The following DHRS7C variants were observed in gnomAD, a reference collection of about 807,000 sequenced individuals.
DHRS7C encodes the protein dehydrogenase/reductase 7C.
DHRS7C carries 28 observed loss-of-function variants against 29.6 expected under a neutral mutation model. The ratio of observed to expected loss-of-function variants is 0.95; its 90% CI spans 0.70 to 1.30. DHRS7C has a LOEUF of 1.30. Ranked by LOEUF, DHRS7C falls within the 50% of genes most tolerant of loss-of-function variation. The pLI is 0.00. For synonymous variants in DHRS7C, 158 were observed against 160.2 expected (o/e 0.99, Z 0.10); for missense variants, 403 against 393.3 (o/e 1.02, Z -0.21).
Position 9,791,163 on chromosome 17 carries a change from A to T in DHRS7C, c.122T>A (p.Val41Glu). The stretch of plus-strand genomic sequence containing the variant: ...CAGTCCTGAGATGGCATCGGTGATC[A>T]CCACCACTTTGTTCTGCACAGCTGA... ...SKSAVQNKVV[V>E]ITDAISGLGK... Residue 41 changes from valine (V) to glutamate (E), a missense_variant, in exon 1 of 6, where the codon GTG (valine) becomes GAG (glutamate). Val to Glu is a moderately radical substitution (Grantham distance 121). Coordinates refer to ENST00000571134, the MANE Select transcript of DHRS7C (RefSeq NM_001105571.3). 6.2e-7 allele frequency: 1 copy of T among 1,613,538 alleles called. No homozygotes were observed. Among genetic ancestry groups the T allele is most frequent in the Non-Finnish European group, 8.5e-7 (1 of 1,179,746 alleles).
intron 2 of DHRS7C, among the ~76,000 whole-genome samples, chr17:9,781,276 A>G (rs1194534022): frequency 6.6e-6 from 1 of 152,190 alleles, no homozygotes; most frequent in Non-Finnish European, 1.5e-5. Flanking sequence ...GCTACAGAAC[A>G]TGATTTTGTC....
rs1341509228 is a variant in DHRS7C at position 9,774,353 on chromosome 17, C to T, written c.572-1431G>A. 6.6e-6 allele frequency among the ~76,000 whole-genome samples: 1 copy of T among 152,178 alleles called. No homozygotes were observed. Among genetic ancestry groups the T allele is most frequent in the African/African-American group, 2.4e-5 (1 of 41,442 alleles). On this transcript the variant is annotated intron_variant, in intron 4 of 5. Transcript: ENST00000571134. This position sits in a 1 kb window ranked among gnomAD's most constrained non-coding sequence, Gnocchi z 5.0. ...GGGCTGGAGTACAGTGGCTCAATCT[C>T]AGCTCACTGCAATCTCTGCCTCCCG...
intron 2 of DHRS7C, 113 bp from the exon 3 acceptor site, chr17:9,780,148 AC>A: frequency 3.5e-6 from 3 of 859,720 alleles, no homozygotes. Flanking sequence ...TAATGAAATG[AC>A]TGAAAAAAAA....
intron 3 of DHRS7C, among the ~76,000 whole-genome samples, chr17:9,777,673 G>A (rs1328747145): frequency 6.6e-6 from 1 of 152,064 alleles, no homozygotes; most frequent in Non-Finnish European, 1.5e-5. Flanking sequence ...CAGTAGAACA[G>A]AACAGACGCT....
intron 1 of DHRS7C, among the ~76,000 whole-genome samples, chr17:9,784,449 G>A (rs111889518): frequency 0.012 from 1,750 of 152,096 alleles, 30 homozygotes; most frequent in African/African-American, 0.04. Context: ...TCCAGCCTGG[G>A]GAACAGAGTG....
Position 9,791,120 on chromosome 17 carries a change from A to C in DHRS7C, c.154+11T>G, listed in dbSNP as rs1371747252. 6.2e-7 allele frequency: 1 copy of C among 1,607,352 alleles called. No homozygotes were observed. Among genetic ancestry groups the C allele is most frequent in the South Asian group, 1.1e-5 (1 of 89,732 alleles). ...CAGAAATGGGCACAGGTGGGAGCAA[A>C]GCCAGCTTACCCTTGCCCAGTCCTG... is the stretch of plus-strand genomic sequence containing the variant. On this transcript the variant is annotated intron_variant, in intron 1 of 5. Coordinates refer to ENST00000571134, the MANE Select transcript of DHRS7C (RefSeq NM_001105571.3).
In DHRS7C at chr17:9,775,763, T is replaced by C. The variant is rs567516539; in HGVS notation, c.571+1430A>G. 4.6e-5 allele frequency among the ~76,000 whole-genome samples: 7 copies of C among 152,336 alleles called. No homozygotes were observed. The highest frequency in any genetic ancestry group is 1.7e-4 in the African/African-American group (7 of 41,588). On this transcript the variant is annotated intron_variant, in intron 4 of 5. Coordinates refer to ENST00000571134, the MANE Select transcript of DHRS7C (RefSeq NM_001105571.3). The surrounding 1 kb of genome is among the most constrained non-coding windows in gnomAD (Gnocchi z 4.2). ...GGGTGTTATGGGTTGAATTCTGTTA[T>C]CAGCCTCCGAAAATTTATATGCTGA...
rs1447570923 is a variant in DHRS7C at position 9,791,318 on chromosome 17, T to C, written c.-34A>G. 2 of 1,608,694 alleles carry C rather than the reference T, an allele frequency of 1.2e-6. No homozygotes were observed. The highest frequency in any genetic ancestry group is 1.1e-5 in the South Asian group (1 of 89,620). On this transcript the variant is annotated 5_prime_UTR_variant, in exon 1 of 6. Coordinates refer to ENST00000571134, the MANE Select transcript of DHRS7C (RefSeq NM_001105571.3). ...GGGGGACAACGGAGTAAAAGGGGATTGGCTTTGCAAAGAGACGCTGATCAG... is the reference window on the plus strand; with the variant it reads ...GGGGGACAACGGAGTAAAAGGGGATCGGCTTTGCAAAGAGACGCTGATCAG...
Position 9,791,157 on chromosome 17 carries a change from G to T in DHRS7C, c.128C>A (p.Thr43Asn), listed in dbSNP as rs373514115. 74 of 1,613,282 alleles carry T rather than the reference G, an allele frequency of 4.6e-5. No homozygotes were observed. Among genetic ancestry groups the T allele is most frequent in the Non-Finnish European group, 6.3e-5 (74 of 1,179,688 alleles). The change falls in exon 1 of 6, where the codon ACC (threonine) becomes AAC (asparagine). Residue 43 changes from threonine (T) to asparagine (N), a missense_variant. Thr to Asn is a moderately conservative substitution (Grantham distance 65). Transcript: ENST00000571134. ...CTTGCCCAGTCCTGAGATGGCATCGGTGATCACCACCACTTTGTTCTGCAC... is the reference window on the plus strand; with the variant it reads ...CTTGCCCAGTCCTGAGATGGCATCGTTGATCACCACCACTTTGTTCTGCAC... The part of the protein sequence containing the change: ...SAVQNKVVVI[T>N]DAISGLGKEC...
chr17:9,772,677 G>T, intron 5 of DHRS7C, 90 bp downstream of exon 5: 1 of 1,477,696 alleles, frequency 6.8e-7, no homozygotes, highest in Non-Finnish European at 9.1e-7. Context: ...CATGTTTCAG[G>T]AGTACCCATC....
rs1232526603 is a variant in DHRS7C, at chr17:9,775,542, G to A, written c.571+1651C>T. On this transcript the variant is annotated intron_variant, in intron 4 of 5. Transcript: ENST00000571134. The surrounding 1 kb of genome is among the most constrained non-coding windows in gnomAD (Gnocchi z 4.2). ...CAGTGGTGACCACACGGAAGATGTT[G>A]TTGATGGAATGACTTAGCATGACCC... is the stretch of plus-strand genomic sequence containing the variant. Among the ~76,000 whole-genome samples, 1 of 152,170 alleles carries A rather than the reference G, an allele frequency of 6.6e-6. No individual in the cohort carries two copies. The highest frequency in any genetic ancestry group is 2.4e-5 in the African/African-American group (1 of 41,434).
At chr17:9,791,016 G>A (rs2066451648) in intron 1 of DHRS7C, 115 bp downstream of exon 1, 9 of 1,276,210 alleles carry the variant, frequency 7.1e-6, no homozygotes, top group African/African-American at 4.5e-5. Flanking sequence ...ACACAGGATC[G>A]ATCCCCTCCC....
intron 1 of DHRS7C, among the ~76,000 whole-genome samples, chr17:9,786,331 T>A (rs2066423467): frequency 8.8e-6 from 1 of 113,056 alleles, no homozygotes; most frequent in Non-Finnish European, 1.7e-5. Flanking sequence ...CCGTCTCAAA[T>A]AATAATAATA....
At chr17:9,781,746 G>A (rs973618145) in intron 1 of DHRS7C, among the ~76,000 whole-genome samples, 152 bp from the exon 2 acceptor site, 1 of 152,118 alleles carries the variant, frequency 6.6e-6, no homozygotes, top group South Asian at 2.1e-4. Flanking sequence ...CTCCCTCCCC[G>A]GGCTGGAATT....
At chr17:9,773,358 C>G (rs2066342583) in intron 4 of DHRS7C, among the ~76,000 whole-genome samples, 3 of 151,898 alleles carry the variant, frequency 2.0e-5, no homozygotes, top group Non-Finnish European at 4.4e-5. Context: ...CTGCAGTGAG[C>G]CTGAATCACA....
intron 4 of DHRS7C, among the ~76,000 whole-genome samples, chr17:9,773,511 C>T (rs1431472006): frequency 1.3e-5 from 2 of 152,032 alleles, no homozygotes; most frequent in African/African-American, 4.8e-5. Flanking sequence ...ATAGAGTGGA[C>T]ATTGCTTAGA....
intron 1 of DHRS7C, among the ~76,000 whole-genome samples, chr17:9,790,621 G>A (rs2066449351): frequency 6.6e-6 from 1 of 152,176 alleles, no homozygotes; most frequent in African/African-American, 2.4e-5. Context: ...TGTAGCTCCA[G>A]GTACTGTTCT....
chr17:9,781,565 C>T lies in DHRS7C; in HGVS notation c.184G>A (p.Ala62Thr). ...ECARVFHTGGARLVLCGKNWE... is the reference protein window; with the variant it reads ...ECARVFHTGGTRLVLCGKNWE... ...TTCTTTCCACACAGCACCAGCCTTG[C>T]CCCACCTGTGTGGAACACCCGAGCA... Residue 62 changes from alanine (A) to threonine (T), a missense_variant, in exon 2 of 6, where the codon GCA (alanine) becomes ACA (threonine). By Grantham distance (58) the Ala-to-Thr change is moderately conservative. Coordinates refer to ENST00000571134, the MANE Select transcript of DHRS7C (RefSeq NM_001105571.3). 6.2e-7 allele frequency: 1 copy of T among 1,613,932 alleles called. No homozygotes were observed. Among genetic ancestry groups the T allele is most frequent in the South Asian group, 1.1e-5 (1 of 91,066 alleles).
chr17:9,784,073 G>A (rs900598231), intron 1 of DHRS7C, among the ~76,000 whole-genome samples: 3 of 151,608 alleles, frequency 2.0e-5, no homozygotes, highest in Non-Finnish European at 2.9e-5. Flanking sequence ...AGAAATAGAC[G>A]AAGATAGAGA....
Sources: gnomAD v4.1 joint callset for allele counts (sites outside exome capture counted in the v4.1 genomes callset) on GRCh38, gnomAD v4.1.1 for gene constraint, Gnocchi (gnomAD v3.1) non-coding constraint, MANE v1.5 for transcripts, NCBI Gene and HGNC (gene_info 2026-07-23, HGNC 2026-07-21) for gene names.